Variants in CALN1 observed in about 807,000 individuals in gnomAD.
The protein encoded by CALN1 is calcium-binding protein 8.
A neutral mutation model predicts 30.6 loss-of-function variants in CALN1; 17 were observed. That is an observed-to-expected ratio of 0.56 (90% CI 0.38 to 0.83). The LOEUF (loss-of-function observed/expected upper bound fraction) is 0.83. CALN1 is among the 40% of genes least tolerant of loss of function. CALN1 has a pLI of 0.00. For missense variants in CALN1, 291 were observed against 354.9 expected (o/e 0.82, Z 1.45); for synonymous variants, 156 against 131.4 (o/e 1.19, Z -1.28).
chr7:72,500,600 T>A, the CALN1 span, among the ~76,000 whole-genome samples: 2 of 151,882 alleles, frequency 1.3e-5, no homozygotes, highest in Non-Finnish European at 2.9e-5. Context: ...TTCTTTATCA[T>A]CCCCTCTCCG....
intron 2 of CALN1, among the ~76,000 whole-genome samples, chr7:72,398,079 GA>G (rs1376694959): frequency 6.6e-6 from 1 of 152,172 alleles, no homozygotes; most frequent in Non-Finnish European, 1.5e-5. Context: ...GAAGCCCTTG[GA>G]CACCTGTTAG....
chr7:72,503,818 T>C, the CALN1 span, among the ~76,000 whole-genome samples: 4 of 134,230 alleles, frequency 3.0e-5, no homozygotes, highest in Non-Finnish European at 4.7e-5. Context: ...CTGAGGGCAC[T>C]CTGGCCAGAG....
At chr7:72,343,027 G>A (rs1802456239) in intron 2 of CALN1, among the ~76,000 whole-genome samples, 1 of 152,132 alleles carries the variant, frequency 6.6e-6, no homozygotes, top group Non-Finnish European at 1.5e-5. Flanking sequence ...TCGATAACCA[G>A]GACAAAATTT....
chr7:72,409,062 C>T (rs1028445540), intron 1 of CALN1, among the ~76,000 whole-genome samples: 3 of 151,918 alleles, frequency 2.0e-5, no homozygotes, highest in Non-Finnish European at 4.4e-5. Context: ...GTGGCACTAT[C>T]TCAGCTTACT....
At chr7:71,881,297 T>C (rs1584434906) in intron 5 of CALN1, among the ~76,000 whole-genome samples, 1 of 120,470 alleles carries the variant, frequency 8.3e-6, no homozygotes, top group Non-Finnish European at 1.7e-5. Flanking sequence ...AGATGGCCTA[T>C]TGTGGGACTT....
chr7:72,256,182 GAC>G (rs1238006547), intron 3 of CALN1, among the ~76,000 whole-genome samples: 1 of 152,188 alleles, frequency 6.6e-6, no homozygotes, highest in Non-Finnish European at 1.5e-5. Flanking sequence ...TGCCTGGCCT[GAC>G]ACAGTGGCTC....
chr7:72,212,107 C>T (rs1792441448), intron 3 of CALN1, among the ~76,000 whole-genome samples: 2 of 152,082 alleles, frequency 1.3e-5, no homozygotes, highest in South Asian at 4.2e-4. Flanking sequence ...AATCCCAGCA[C>T]TTTGGGAGGC....
chr7:72,153,668 G>A (rs1175414514), intron 3 of CALN1, among the ~76,000 whole-genome samples: 1 of 152,070 alleles, frequency 6.6e-6, no homozygotes, highest in Non-Finnish European at 1.5e-5. Context: ...CCAACAGAGT[G>A]AGAACCTGTC....
chr7:72,305,306 G>A (rs924583656), intron 2 of CALN1, among the ~76,000 whole-genome samples: 7 of 152,168 alleles, frequency 4.6e-5, no homozygotes, highest in Admixed American at 4.6e-4. Context: ...AATGCTTTTG[G>A]CAGGTGATTT....
intron 5 of CALN1, among the ~76,000 whole-genome samples, chr7:71,870,618 A>T (rs1218691159): frequency 6.6e-6 from 1 of 152,132 alleles, no homozygotes; most frequent in Non-Finnish European, 1.5e-5. Context: ...ATTTTCCAAA[A>T]TTTTGATATT....
At chr7:72,349,852 G>A (rs536441171) in intron 2 of CALN1, among the ~76,000 whole-genome samples, 6 of 152,182 alleles carry the variant, frequency 3.9e-5, no homozygotes, top group South Asian at 4.2e-4. Context: ...TGATAGATGC[G>A]TATTTTACAA....
rs141174944 is a variant in CALN1, at chr7:72,100,676, C to T, written c.388+5475G>A. Among the ~76,000 whole-genome samples, 566 of 151,688 alleles carry T rather than the reference C, an allele frequency of 3.7e-3. 3 individuals are homozygous for T. The highest frequency in any genetic ancestry group is 0.012 in the African/African-American group (495 of 41,418). Reference sequence around the variant, plus strand: ...TACTGAAAATACAAAGAAAACTAGCCGGGCGTGGTGGCGGGTGCCTGTAGT... The same window carrying T: ...TACTGAAAATACAAAGAAAACTAGCTGGGCGTGGTGGCGGGTGCCTGTAGT... On this transcript the variant is annotated intron_variant, in intron 4 of 6. Transcript: ENST00000395275.
At chr7:71,971,442 C>T (rs1042190187) in intron 5 of CALN1, among the ~76,000 whole-genome samples, 1 of 152,118 alleles carries the variant, frequency 6.6e-6, no homozygotes, top group Non-Finnish European at 1.5e-5. Flanking sequence ...AAGAGCGAAA[C>T]TCTGCCTCAA....
At chr7:71,869,273 C>T (rs191679714) in intron 5 of CALN1, among the ~76,000 whole-genome samples, 3 of 151,840 alleles carry the variant, frequency 2.0e-5, no homozygotes, top group East Asian at 1.9e-4. Flanking sequence ...TGCAATGGCA[C>T]GATATTGGCT....
At chr7:72,359,088 CTCCGCTGTGCTTCGTAGG>C (rs990257343) in intron 2 of CALN1, among the ~76,000 whole-genome samples, 5 of 152,162 alleles carry the variant, frequency 3.3e-5, no homozygotes, top group Admixed American at 1.3e-4. Flanking sequence ...AGGCCAGGCC[CTCCGCTGTGCTTCGTAGG>C]ATACTATTCC....
At chr7:72,137,082 C>CT (rs374445060) in intron 3 of CALN1, among the ~76,000 whole-genome samples, 12 of 152,250 alleles carry the variant, frequency 7.9e-5, no homozygotes, top group African/African-American at 2.6e-4. Flanking sequence ...CTCTTACACA[C>CT]TAAGTATATT....
chr7:72,097,572 C>T (rs1284163568), intron 4 of CALN1, among the ~76,000 whole-genome samples: 5 of 149,526 alleles, frequency 3.3e-5, no homozygotes, highest in Admixed American at 6.7e-5. Flanking sequence ...CTTTGGGAAG[C>T]GGAGGTGGGA....
chr7:72,155,996 T>C (rs1016796475), intron 3 of CALN1, among the ~76,000 whole-genome samples: 6 of 152,162 alleles, frequency 3.9e-5, no homozygotes, highest in African/African-American at 1.4e-4. Context: ...CCCACTCAGA[T>C]ACTCCAGGAG....
chr7:72,083,673 C>A (rs943044262), intron 4 of CALN1, among the ~76,000 whole-genome samples: 3 of 152,112 alleles, frequency 2.0e-5, no homozygotes, highest in Non-Finnish European at 4.4e-5. Flanking sequence ...GTAATCCCAG[C>A]ACTTTGGGAG....
Sources: gnomAD v4.1 joint callset for allele counts (sites outside exome capture counted in the v4.1 genomes callset) on GRCh38, gnomAD v4.1.1 for gene constraint, MANE v1.5 for transcripts, NCBI Gene and HGNC (gene_info 2026-07-23, HGNC 2026-07-21) for gene names.